TJP1: variants seen among roughly 807,000 people sequenced by gnomAD.
TJP1 encodes the protein tight junction protein ZO-1.
In TJP1, 43 loss-of-function variants were observed where a neutral mutation model predicts 194.2. The ratio of observed to expected loss-of-function variants is 0.22; its 90% CI spans 0.17 to 0.29. The LOEUF is 0.29. TJP1 is among the 10% of genes least tolerant of loss of function. The probability of loss-of-function intolerance (pLI) is 1.00; values close to 1 mark genes in which losing one functional copy is unlikely to be tolerated. For synonymous variants in TJP1, 801 were observed against 779.0 expected, an observed-to-expected ratio of 1.03 and a Z score of -0.47; for missense variants, 1,971 against 2,185.7, an observed-to-expected ratio of 0.90 and a Z score of 1.96.
At chr15:29,709,902 T>C (rs1595567509) in intron 24 of TJP1, among the ~76,000 whole-genome samples, 1 of 152,254 alleles carries the variant, frequency 6.6e-6, no homozygotes, top group East Asian at 1.9e-4. Flanking sequence ...CCCAGCACTC[T>C]TGAGAGGCCG....
chr15:29,924,775 CT>C (rs1355358453), intron 2 of TJP1, among the ~76,000 whole-genome samples: 2 of 149,654 alleles, frequency 1.3e-5, no homozygotes, highest in African/African-American at 4.9e-5. Context: ...CTTGGTTGCT[CT>C]CCTAAACGGA....
intron 2 of TJP1, among the ~76,000 whole-genome samples, chr15:29,887,012 C>G (rs183711262): frequency 2.4e-4 from 37 of 151,824 alleles, no homozygotes; most frequent in Non-Finnish European, 4.7e-4. Context: ...CCGTGTGGCA[C>G]AGACAGAAGG....
chr15:29,898,225 C>T (rs2053535733), intron 2 of TJP1, among the ~76,000 whole-genome samples: 1 of 152,178 alleles, frequency 6.6e-6, no homozygotes, highest in Non-Finnish European at 1.5e-5. Context: ...ATGAGTCTCA[C>T]AAGAACTGAT....
At chr15:29,951,249 C>A (rs1454455572) in intron 2 of TJP1, among the ~76,000 whole-genome samples, 1 of 151,968 alleles carries the variant, frequency 6.6e-6, no homozygotes. Flanking sequence ...CTCACTGCAA[C>A]CTCTGCCTCC....
Position 29,761,285 on chromosome 15 carries a change from G to C in TJP1, c.864C>G (p.Asp288Glu), listed in dbSNP as rs199641920. The change falls in exon 8 of 28, where the codon GAC becomes GAG. Residue 288 changes from aspartate (D) to glutamate (E), a missense_variant and splice_region_variant. Physicochemically the swap from Asp to Glu is conservative, Grantham distance 45 (BLOSUM62 2). Transcript: ENST00000614355. ...ATGCCAGTGACTGAATTTCTGAAAT[G>C]TCTGTTAATAAAAGGGTGCTACTTA... ...IHSANASERD[D>E]ISEIQSLASD... 290 of 1,613,734 alleles carry C rather than the reference G, an allele frequency of 1.8e-4. No individual in the cohort carries two copies. The highest frequency in any genetic ancestry group is 2.3e-4 in the Non-Finnish European group (272 of 1,179,906).
At chr15:29,773,842 T>C (rs1021442346) in intron 2 of TJP1, among the ~76,000 whole-genome samples, 5 of 152,220 alleles carry the variant, frequency 3.3e-5, no homozygotes, top group Middle Eastern at 3.2e-3. Context: ...AAAATCTCTG[T>C]AGAATATAAT....
intron 2 of TJP1, among the ~76,000 whole-genome samples, chr15:29,864,234 AT>A (rs2052211383): frequency 1.5e-5 from 2 of 135,344 alleles, no homozygotes; most frequent in Admixed American, 7.4e-5. Flanking sequence ...TCTACTAAAA[AT>A]ACAAAAAAAA....
chr15:29,728,284 T>C, intron 15 of TJP1: 1 of 343,258 alleles, frequency 2.9e-6, no homozygotes, highest in Non-Finnish European at 5.3e-6. Flanking sequence ...TTTTTTTCTT[T>C]TGCCTGGGGC....
In TJP1 at chr15:29,708,913, TAGA is replaced by T. The variant is rs1566860709; in HGVS notation, c.4493_4495del (p.Phe1498del). ...TTTATCTGGAAAACTTTTCTGGGGA[TAGA>T]AAGCTGCCTGAGCAGTATCTTCTCG... On this transcript the variant is annotated inframe_deletion, in exon 25 of 28. Transcript: ENST00000614355. 6.2e-7 allele frequency: 1 copy of T among 1,614,182 alleles called. No individual in the cohort carries two copies. The highest frequency in any genetic ancestry group is 2.2e-5 in the East Asian group (1 of 44,882).
At chr15:29,889,906 A>G (rs1596192385) in intron 2 of TJP1, among the ~76,000 whole-genome samples, 3 of 152,246 alleles carry the variant, frequency 2.0e-5, no homozygotes, top group Admixed American at 1.3e-4. Context: ...ACTGCTAACC[A>G]CAGGAAAATG....
intron 2 of TJP1, among the ~76,000 whole-genome samples, chr15:29,914,660 G>A (rs994242440): frequency 2.6e-5 from 4 of 151,996 alleles, no homozygotes; most frequent in African/African-American, 9.7e-5. Flanking sequence ...TATGGGAGTC[G>A]AGAGGGCTGA....
chr15:29,900,152 T>C (rs2053592733), intron 2 of TJP1, among the ~76,000 whole-genome samples: 1 of 152,130 alleles, frequency 6.6e-6, no homozygotes. Context: ...AGGAGCTGCA[T>C]GGCTGTCCAG....
At chr15:29,799,527 G>A (rs902743631) in intron 2 of TJP1, among the ~76,000 whole-genome samples, 8 of 151,288 alleles carry the variant, frequency 5.3e-5, no homozygotes, top group Admixed American at 3.3e-4. Context: ...CCATTCTCCC[G>A]CCTCAGCCTC....
chr15:29,723,271 G>C lies in TJP1; in HGVS notation c.2413-2563C>G, dbSNP rs548161746. On this transcript the variant is annotated intron_variant, in intron 18 of 27. Transcript: ENST00000614355. ...AATTATAATCCTCAGTGTTGGAGTG[G>C]GGCCTGGTAGGAGGTGATCACGAGG... Among the ~76,000 whole-genome samples, 3 of 152,270 alleles carry C rather than the reference G, an allele frequency of 2.0e-5. No individual in the cohort carries two copies. The South Asian group carries it at 6.2e-4, about 32-fold the overall frequency.
rs753132986 is a variant in TJP1, at chr15:29,773,286, C to T, written c.156G>A (p.Thr52=). ...TCAGCACATCTGAAATCACTATTGA[C>T]GTTTCCCCACTCTGAAAATGAGGAT... ...RDNPHFQSGE[T]SIVISDVLKG... The change falls in exon 3 of 28, where the codon ACG becomes ACA. Residue 52 remains threonine (T), a synonymous_variant. Transcript: ENST00000614355. 33 of 1,613,892 alleles carry T rather than the reference C, an allele frequency of 2.0e-5. No individual in the cohort carries two copies. Among genetic ancestry groups the T allele is most frequent in the East Asian group, 4.5e-5 (2 of 44,876 alleles).
chr15:29,792,887 GATT>G (rs376015592), intron 2 of TJP1, among the ~76,000 whole-genome samples: 3 of 152,238 alleles, frequency 2.0e-5, no homozygotes, highest in African/African-American at 7.2e-5. Flanking sequence ...TTGGAAATAA[GATT>G]ATTTTCTTGG....
intron 2 of TJP1, 61 bp downstream of exon 2, chr15:29,800,585 G>C (rs1036333994): frequency 1.7e-5 from 27 of 1,554,170 alleles, no homozygotes; most frequent in Non-Finnish European, 2.2e-5. Flanking sequence ...TTCCTCTATT[G>C]TTTTCAAAGC....
intron 8 of TJP1, among the ~76,000 whole-genome samples, chr15:29,754,964 T>C (rs771911401): frequency 2.0e-5 from 3 of 152,130 alleles, no homozygotes; most frequent in Non-Finnish European, 2.9e-5. Context: ...TTATGGAAGG[T>C]AGAGGAAAAG....
intron 1 of TJP1, among the ~76,000 whole-genome samples, chr15:29,819,173 C>T (rs1364793279): frequency 2.6e-5 from 4 of 152,080 alleles, no homozygotes; most frequent in African/African-American, 9.7e-5. Context: ...ATTTTTATTG[C>T]TCTTTGTCAT....
Sources: gnomAD v4.1 joint callset for allele counts (sites outside exome capture counted in the v4.1 genomes callset) on GRCh38, gnomAD v4.1.1 for gene constraint, MANE v1.5 for transcripts, NCBI Gene and HGNC (gene_info 2026-07-23, HGNC 2026-07-21) for gene names.